Variants in ALDH16A1 observed in about 807,000 individuals in gnomAD.
ALDH16A1 encodes aldehyde dehydrogenase family 16 member A1.
ALDH16A1 carries 88 observed loss-of-function variants against 96.1 expected under a neutral mutation model. The observed-to-expected ratio is 0.92, with a 90% CI of 0.77 to 1.09. The LOEUF is 1.09. Ranked by LOEUF, ALDH16A1 falls within the 50% of genes least tolerant of loss-of-function variation. The probability of loss-of-function intolerance (pLI) is 0.00; values close to 1 mark genes in which losing one functional copy is unlikely to be tolerated. For missense variants in ALDH16A1, 1,250 were observed against 1,112.6 expected (o/e 1.12, Z -1.76); for synonymous variants, 522 against 496.4 (o/e 1.05, Z -0.69).
Position 49,470,476 on chromosome 19 carries a change from C to T in ALDH16A1, c.*9C>T, listed in dbSNP as rs774529466. 87 of 1,547,272 alleles carry T rather than the reference C, an allele frequency of 5.6e-5. No homozygotes were observed. Among genetic ancestry groups the T allele is most frequent in the African/African-American group, 9.7e-5 (7 of 72,236 alleles). On this transcript the variant is annotated 3_prime_UTR_variant, in exon 17 of 17. Transcript: ENST00000293350. ...TGCCTATGGGGGACTGATGCCTGAG[C>T]GCCACCTACTGCATTTTGGACACCT... is the stretch of plus-strand genomic sequence containing the variant.
chr19:49,458,670 C>G (rs1445156680), intron 2 of ALDH16A1, 82 bp downstream of exon 2: 2 of 1,432,654 alleles, frequency 1.4e-6, no homozygotes, highest in Non-Finnish European at 1.9e-6. Flanking sequence ...TTCCCCTTGC[C>G]TAGGGCCCTG....
rs985345983 is a variant in ALDH16A1, at chr19:49,453,309, G to A, written c.-23G>A. ...TAACACAGAGCGCCCCGCAGTCTTC[G>A]CGGAAAGCGTTCGGGGTAGGCGATG... is the stretch of plus-strand genomic sequence containing the variant. On this transcript the variant is annotated 5_prime_UTR_variant, in exon 1 of 17. Transcript: ENST00000293350. The A allele has an allele frequency of 1.3e-6, 2 of 1,539,468 alleles. No homozygotes were observed. Among genetic ancestry groups the A allele is most frequent in the African/African-American group, 1.4e-5 (1 of 73,394 alleles).
chr19:49,461,848 G>A (rs767708481), intron 6 of ALDH16A1, 36 bp from the exon 7 acceptor site: 58 of 1,597,940 alleles, frequency 3.6e-5, no homozygotes, highest in Middle Eastern at 1.7e-4. Context: ...GGGGCCGCAA[G>A]GCTCCTCCTG....
chr19:49,460,636 A>ACTTCCCACCTCAGGTGAT (rs1318854012), intron 4 of ALDH16A1, among the ~76,000 whole-genome samples, 186 bp from the exon 5 acceptor site: 3 of 150,652 alleles, frequency 2.0e-5, no homozygotes, highest in African/African-American at 7.3e-5. Context: ...CTGGTCTCGA[A>ACTTCCCACCTCAGGTGAT]CTTCCCACCT....
chr19:49,456,207 TCAA>T, intron 1 of ALDH16A1, among the ~76,000 whole-genome samples: 1 of 152,188 alleles, frequency 6.6e-6, no homozygotes, highest in Admixed American at 6.5e-5. Flanking sequence ...TCAACCATCA[TCAA>T]CATTTATCCC....
At chr19:49,465,308 C>T (rs1008339874) in intron 12 of ALDH16A1, among the ~76,000 whole-genome samples, 1 of 147,902 alleles carries the variant, frequency 6.8e-6, no homozygotes, top group Middle Eastern at 4.0e-3. Context: ...GCCCCACAGG[C>T]TTATGAGAGC....
At chr19:49,458,675 G>A in intron 2 of ALDH16A1, 87 bp downstream of exon 2, 1 of 1,396,488 alleles carries the variant, frequency 7.2e-7, no homozygotes, top group South Asian at 1.3e-5. Flanking sequence ...CTTGCCTAGG[G>A]CCCTGAGGGC....
At chr19:49,466,871 CAAAA>C (rs1452606582) in intron 14 of ALDH16A1, among the ~76,000 whole-genome samples, 1 of 142,716 alleles carries the variant, frequency 7.0e-6, no homozygotes, top group African/African-American at 3.0e-5. Flanking sequence ...CAAAAAAAAA[CAAAA>C]AACAAAAAAT....
chr19:49,468,626 G>T lies in ALDH16A1; in HGVS notation c.2124+60G>T. On this transcript the variant is annotated intron_variant, in intron 15 of 16. Coordinates refer to ENST00000293350, the MANE Select transcript of ALDH16A1 (RefSeq NM_153329.4). This position sits in a 1 kb window ranked among gnomAD's most constrained non-coding sequence, Gnocchi z 4.4. ...TAGCCTCAGGGCAGCAGAAAAAGGC[G>T]CCCCAAAGTCGGCAGGAGCTTGTCT... The T allele has an allele frequency of 7.0e-6, 11 of 1,568,860 alleles. No individual in the cohort carries two copies. The highest frequency in any genetic ancestry group is 8.6e-6 in the Non-Finnish European group (10 of 1,161,032).
At position 49,461,719 on chromosome 19, in the gene ALDH16A1, C is replaced by T. The variant is rs779691525; in HGVS notation, c.678C>T (p.Val226=). 2 of 1,610,116 alleles carry T rather than the reference C, an allele frequency of 1.2e-6. No individual in the cohort carries two copies. Among genetic ancestry groups the T allele is most frequent in the Non-Finnish European group, 1.7e-6 (2 of 1,178,292 alleles). Residue 226 remains valine (V), a synonymous_variant, in exon 6 of 17, where the codon GTC becomes GTT. Transcript: ENST00000293350. ...ELGPFPGILN[V]LSGPASLVPI... ...GCCCCTTCCCGGGAATCCTGAATGT[C>T]CTCAGTGGCCCTGCGTCCCTGGTGC...
rs1568652863 is a variant in ALDH16A1, at chr19:49,462,698, TG to T, written c.1042del (p.Ala348ProfsTer154). 4 of 1,607,528 alleles carry T rather than the reference TG, an allele frequency of 2.5e-6. No individual in the cohort carries two copies. The highest frequency in any genetic ancestry group is 3.4e-6 in the Non-Finnish European group (4 of 1,177,904). ...CCGTGGACATGGGGGCCCGGGGGGC[TG>T]CCGCATGTGACCTGGTCCAGCGCTT... Reference protein sequence around the residue: ...GAVDMGARGAAACDLVQRFVR... With the variant: ...GAVDMGARGAXACDLVQRFVR... On this transcript the variant is annotated frameshift_variant, in exon 8 of 17. Coordinates refer to ENST00000293350, the MANE Select transcript of ALDH16A1 (RefSeq NM_153329.4). LOFTEE classifies it high-confidence loss of function.
rs182111688 is a variant in ALDH16A1 at position 49,466,892 on chromosome 19, C to T, written c.1938+609C>T. ...AAAACAAAAAACAAAAAATACCTGG[C>T]CAGACATGGTGGCTCACGCCTGTAA... On this transcript the variant is annotated intron_variant, in intron 14 of 16. Transcript: ENST00000293350. Among the ~76,000 whole-genome samples, 297 of 151,266 alleles carry T rather than the reference C, an allele frequency of 2.0e-3. 1 individual carries two copies. Among genetic ancestry groups the T allele is most frequent in the African/African-American group, 6.7e-3 (277 of 41,216 alleles).
In ALDH16A1 at chr19:49,461,953, T is replaced by G. The variant is rs1454622027; in HGVS notation, c.829T>G (p.Ser277Ala). 1 of 1,567,258 alleles carries G rather than the reference T, an allele frequency of 6.4e-7. No individual in the cohort carries two copies. Among genetic ancestry groups the G allele is most frequent in the Admixed American group, 1.9e-5 (1 of 53,824 alleles). The change falls in exon 7 of 17, where the codon TCG becomes GCG. Residue 277 changes from serine to alanine, a missense_variant. By Grantham distance (99) the Ser-to-Ala change is moderately conservative. Coordinates refer to ENST00000293350, the MANE Select transcript of ALDH16A1 (RefSeq NM_153329.4). ...GCTGGGCCTGGCGCTGGGGACGGAG[T>G]CGCTGCTGCTGCTGACGGACACGGC... Reference protein sequence around the residue: ...AELGLALGTESLLLLTDTADV... With the variant: ...AELGLALGTEALLLLTDTADV...
chr19:49,464,803 G>T, intron 12 of ALDH16A1, 41 bp downstream of exon 12: 10 of 1,611,312 alleles, frequency 6.2e-6, no homozygotes, highest in Non-Finnish European at 7.6e-6. Flanking sequence ...TGTGAACGGG[G>T]AGAGGGGAAT....
chr19:49,470,180 C>G lies in ALDH16A1; in HGVS notation c.2248-126C>G, dbSNP rs939801162. The G allele has an allele frequency of 2.0e-5, 23 of 1,142,664 alleles. 1 individual carries two copies. Among genetic ancestry groups the G allele is most frequent in the Non-Finnish European group, 2.9e-5 (23 of 792,174 alleles). The allele number at this position is 1,142,664 out of a possible 1,614,324, so 70.8% of individuals were successfully genotyped here. ...GAAGTTCTGCTTGGGAGGAGCTGGG[C>G]ATTGTAGCTGCAGAGCCTGGGTCCA... On this transcript the variant is annotated intron_variant, in intron 16 of 16. Transcript: ENST00000293350.
In ALDH16A1 at chr19:49,459,817, G is replaced by A; in HGVS notation, c.468G>A (p.Gln156=). The A allele has an allele frequency of 1.2e-6, 2 of 1,613,446 alleles. No individual in the cohort carries two copies. The highest frequency in any genetic ancestry group is 1.7e-6 in the Non-Finnish European group (2 of 1,179,850). ...ACCATGCAATCCAGGCATCCACCCAGGAGGAGGCACTGGCAGGCTGGGAGC... is the reference window on the plus strand; with the variant it reads ...ACCATGCAATCCAGGCATCCACCCAAGAGGAGGCACTGGCAGGCTGGGAGC... The part of the protein sequence containing the change: ...LHYHAIQAST[Q]EEALAGWEPM... The change falls in exon 4 of 17, where the codon CAG becomes CAA. Residue 156 remains glutamine (Q), a synonymous_variant. Transcript: ENST00000293350. This position sits in a 1 kb window ranked among gnomAD's most constrained non-coding sequence, Gnocchi z 4.1.
intron 4 of ALDH16A1, 108 bp from the exon 5 acceptor site, chr19:49,460,714 A>AT (rs35639941): frequency 0.36 from 230,510 of 643,664 alleles, 14,070 homozygotes; most frequent in South Asian, 0.41. Context: ...ACACCCGGCC[A>AT]TTTTTTTTTT....
chr19:49,468,420 C>T lies in ALDH16A1; in HGVS notation c.1978C>T (p.Pro660Ser). Reference protein sequence around the residue: ...LRGPVLRLREPLGVLAVVCPD... With the variant: ...LRGPVLRLRESLGVLAVVCPD... ...AGGCCCTGTGCTGCGCCTGCGGGAG[C>T]CGCTGGGTGTGCTGGCTGTGGTGTG... is the stretch of plus-strand genomic sequence containing the variant. Residue 660 changes from proline to serine, a missense_variant, in exon 15 of 17, where the codon CCG becomes TCG. Coordinates refer to ENST00000293350, the MANE Select transcript of ALDH16A1 (RefSeq NM_153329.4). The surrounding 1 kb of genome is among the most constrained non-coding windows in gnomAD (Gnocchi z 4.4). The T allele has an allele frequency of 6.2e-7, 1 of 1,600,654 alleles. No homozygotes were observed. The highest frequency in any genetic ancestry group is 1.1e-5 in the South Asian group (1 of 91,052).
Position 49,470,418 on chromosome 19 carries a change from G to A in ALDH16A1, c.2360G>A (p.Gly787Glu). 6.2e-7 allele frequency: 1 copy of A among 1,607,606 alleles called. No homozygotes were observed. Among genetic ancestry groups the A allele is most frequent in the Non-Finnish European group, 8.5e-7 (1 of 1,177,724 alleles). ...GCCGAGGGGGCAGGCCCAGAGCTGG[G>A]GCTGCGAGTGGCGCGGACCAAGGCC... ...QEAEGAGPEL[G>E]LRVARTKALW... is the part of the protein sequence containing the mutation. The change falls in exon 17 of 17, where the codon GGG (glycine) becomes GAG (glutamate). Residue 787 changes from glycine to glutamate, a missense_variant. By Grantham distance (98) the Gly-to-Glu change is moderately conservative (BLOSUM62 -2). Coordinates refer to ENST00000293350, the MANE Select transcript of ALDH16A1 (RefSeq NM_153329.4).
Sources: allele counts gnomAD v4.1 joint callset (sites outside exome capture counted in the v4.1 genomes callset), GRCh38; gene constraint gnomAD v4.1.1; non-coding constraint Gnocchi (gnomAD v3.1); transcripts MANE v1.5; gene names NCBI Gene and HGNC (gene_info 2026-07-23, HGNC 2026-07-21).